Variants in NIBAN1 observed in about 807,000 individuals in gnomAD.
NIBAN1 encodes the protein niban apoptosis regulator 1, also known as protein Niban 1.
Under a neutral mutation model 75.1 loss-of-function variants are expected in NIBAN1, and 81 were observed. The observed-to-expected ratio is 1.08, with a 90% CI of 0.90 to 1.30. The LOEUF is 1.30. NIBAN1 is among the 50% of genes most tolerant of loss of function. NIBAN1 has a pLI of 0.00. For missense variants in NIBAN1, 1,133 were observed against 1,128.1 expected (o/e 1.00, Z -0.06); for synonymous variants, 436 against 424.8 (o/e 1.03, Z -0.32).
intron 5 of NIBAN1, chr1:184,867,741 C>G (rs1655995544): frequency 2.4e-6 from 1 of 417,692 alleles, no homozygotes; most frequent in African/African-American, 2.1e-5. Flanking sequence ...TCCTCAAACT[C>G]TCCTCTGTTA....
chr1:184,824,997 T>C (rs1056486994), intron 6 of NIBAN1, among the ~76,000 whole-genome samples: 1 of 152,218 alleles, frequency 6.6e-6, no homozygotes, highest in Admixed American at 6.5e-5. Flanking sequence ...TTTAGTATGG[T>C]CTCAACTTCC....
intron 1 of NIBAN1, among the ~76,000 whole-genome samples, chr1:184,963,114 A>AT (rs1034458547): frequency 6.6e-6 from 1 of 152,082 alleles, no homozygotes; most frequent in African/African-American, 2.4e-5. Context: ...AAAAATAAAA[A>AT]TTTTTTAAAG....
chr1:184,815,089 C>T (rs550845872), intron 9 of NIBAN1, among the ~76,000 whole-genome samples: 1 of 152,288 alleles, frequency 6.6e-6, no homozygotes, highest in Admixed American at 6.5e-5. Context: ...GCGTCAGGTA[C>T]ATTTGGCTAT....
Position 184,974,333 on chromosome 1 carries a change from C to G in NIBAN1, c.24G>C (p.Gln8His). The G allele has an allele frequency of 3.2e-6, 5 of 1,566,766 alleles. No individual in the cohort carries two copies. The highest frequency in any genetic ancestry group is 4.3e-6 in the Non-Finnish European group (5 of 1,163,252). The change falls in exon 1 of 14, where the codon CAG becomes CAC. Residue 8 changes from glutamine to histidine, a missense_variant. By Grantham distance (24) the Gln-to-His change is conservative (BLOSUM62 0). Transcript: ENST00000367511. MGGSASS[Q>H]LDEGKCAYIR... The stretch of plus-strand genomic sequence containing the variant: ...TGTAAGCGCACTTGCCCTCGTCCAG[C>G]TGGCTGGAGGCTGAGCCGCCCATGA...
intron 11 of NIBAN1, among the ~76,000 whole-genome samples, chr1:184,804,877 C>T (rs1486268598): frequency 6.6e-6 from 1 of 152,048 alleles, no homozygotes; most frequent in East Asian, 1.9e-4. Context: ...CAAGCTCCAC[C>T]TCCCAGGTTC....
chr1:184,856,766 C>T (rs1008427141), intron 5 of NIBAN1, among the ~76,000 whole-genome samples: 6 of 152,178 alleles, frequency 3.9e-5, no homozygotes, highest in Admixed American at 1.3e-4. Context: ...ATTGGATCCC[C>T]GGCACTCTGA....
At chr1:184,919,790 G>A (rs372226204) in intron 1 of NIBAN1, among the ~76,000 whole-genome samples, 102 of 152,016 alleles carry the variant, frequency 6.7e-4, no homozygotes, top group African/African-American at 2.3e-3. Flanking sequence ...TAATATATAC[G>A]TAAATATACA....
At chr1:184,840,902 G>A (rs1009120370) in intron 5 of NIBAN1, among the ~76,000 whole-genome samples, 1 of 151,824 alleles carries the variant, frequency 6.6e-6, no homozygotes, top group Non-Finnish European at 1.5e-5. Context: ...ATCCTGGAGG[G>A]AAATCTCCAG....
At chr1:184,891,623 C>T (rs1432519356) in intron 3 of NIBAN1, among the ~76,000 whole-genome samples, 3 of 152,130 alleles carry the variant, frequency 2.0e-5, no homozygotes, top group Non-Finnish European at 4.4e-5. Context: ...TTGCCCATGG[C>T]CCAGCAGTGA....
At chr1:184,964,573 T>C (rs1557933629) in intron 1 of NIBAN1, among the ~76,000 whole-genome samples, 1 of 152,230 alleles carries the variant, frequency 6.6e-6, no homozygotes, top group Non-Finnish European at 1.5e-5. Flanking sequence ...ACGGAGCTAA[T>C]GATATCTCCA....
At chr1:184,881,645 G>T in intron 5 of NIBAN1, among the ~76,000 whole-genome samples, 1 of 152,166 alleles carries the variant, frequency 6.6e-6, no homozygotes, top group Non-Finnish European at 1.5e-5. Context: ...GAGGGCTGCT[G>T]GTTGCCCATT....
chr1:184,872,553 A>C (rs1398842540), intron 5 of NIBAN1, among the ~76,000 whole-genome samples: 1 of 152,084 alleles, frequency 6.6e-6, no homozygotes, highest in Non-Finnish European at 1.5e-5. Flanking sequence ...TAAAAATACA[A>C]AAAATTAGCT....
At chr1:184,856,586 C>A (rs185623947) in intron 5 of NIBAN1, among the ~76,000 whole-genome samples, 2 of 152,280 alleles carry the variant, frequency 1.3e-5, no homozygotes, top group East Asian at 1.9e-4. Context: ...CCAAATTATT[C>A]CTCCTATCAC....
At chr1:184,799,548 G>A (rs1356336602) in intron 12 of NIBAN1, among the ~76,000 whole-genome samples, 1 of 144,072 alleles carries the variant, frequency 6.9e-6, no homozygotes. Context: ...AGTCCTTTGG[G>A]TATATACCCA....
chr1:184,974,210 G>T (rs1258336100), intron 1 of NIBAN1, 92 bp downstream of exon 1: 2 of 1,295,380 alleles, frequency 1.5e-6, no homozygotes, highest in East Asian at 3.1e-5. Flanking sequence ...CAGGGAGAGG[G>T]CCCGGGGCGC....
In NIBAN1 at chr1:184,974,475, G is replaced by A; in HGVS notation, c.-119C>T. On this transcript the variant is annotated 5_prime_UTR_variant, in exon 1 of 14. Coordinates refer to ENST00000367511, the MANE Select transcript of NIBAN1 (RefSeq NM_052966.4). ...AATTAAGAGCAAACTTCCTTCGAGA[G>A]GCGAGAGACAGGAGGCAAGAGGCGT... The A allele has an allele frequency of 7.4e-7, 1 of 1,347,384 alleles. No homozygotes were observed. Among genetic ancestry groups the A allele is most frequent in the Non-Finnish European group, 1.0e-6 (1 of 998,560 alleles). The allele number at this position is 1,347,384 out of a possible 1,614,324, so 83.5% of individuals were successfully genotyped here. A position where few individuals can be genotyped will look rare whatever the true frequency, so the allele number is the denominator to read the frequency against.
chr1:184,904,380 C>T (rs574579299), intron 1 of NIBAN1, among the ~76,000 whole-genome samples: 8 of 152,196 alleles, frequency 5.3e-5, no homozygotes, highest in South Asian at 2.1e-4. Flanking sequence ...CTTATAGCAA[C>T]GGAAGGAAAC....
chr1:184,896,119 A>G (rs562576128), intron 2 of NIBAN1, among the ~76,000 whole-genome samples: 1 of 152,182 alleles, frequency 6.6e-6, no homozygotes, highest in South Asian at 2.1e-4. Flanking sequence ...TTTTTTAGTT[A>G]TTTGTGATAT....
At chr1:184,851,137 C>T (rs1655525912) in intron 5 of NIBAN1, among the ~76,000 whole-genome samples, 1 of 12,312 alleles carries the variant, frequency 8.1e-5, no homozygotes. Flanking sequence ...TGGGTATATA[C>T]CCAAATGACT....
Sources: gnomAD v4.1 joint callset for allele counts (sites outside exome capture counted in the v4.1 genomes callset) on GRCh38, gnomAD v4.1.1 for gene constraint, MANE v1.5 for transcripts, NCBI Gene and HGNC (gene_info 2026-07-23, HGNC 2026-07-21) for gene names.